BEND6: variants seen among roughly 807,000 people sequenced by gnomAD.
The protein encoded by BEND6 is BEN domain containing 6.
In BEND6, 24 loss-of-function variants were observed where a neutral mutation model predicts 31.8. That is an observed-to-expected ratio of 0.75 (90% CI 0.55 to 1.06). The LOEUF (loss-of-function observed/expected upper bound fraction) is 1.06, where lower values mean the gene tolerates loss of function less well. Among genes scored for constraint, BEND6 ranks in the 50% least tolerant of loss-of-function variants. BEND6 has a pLI of 0.00. For synonymous variants in BEND6, 109 were observed against 114.6 expected (o/e 0.95, Z 0.31); for missense variants, 294 against 327.4 (o/e 0.90, Z 0.79).
At chr6:56,995,727 A>C (rs1483352344) in intron 3 of BEND6, among the ~76,000 whole-genome samples, 1 of 152,004 alleles carries the variant, frequency 6.6e-6, no homozygotes, top group Admixed American at 6.6e-5. Context: ...ATTAGGGCCC[A>C]CCCTAATGAC....
chr6:57,002,141 T>G (rs1161448460), intron 3 of BEND6, among the ~76,000 whole-genome samples: 1 of 152,176 alleles, frequency 6.6e-6, no homozygotes, highest in Non-Finnish European at 1.5e-5. Flanking sequence ...GATAAAAGGT[T>G]CAATTAAATA....
intron 2 of BEND6, among the ~76,000 whole-genome samples, chr6:56,988,086 G>A (rs778868367): frequency 3.4e-5 from 5 of 148,678 alleles, no homozygotes; most frequent in South Asian, 2.1e-4. Flanking sequence ...GCATGATCTC[G>A]GCTCATTACA....
At chr6:57,021,435 C>G (rs1401570661) in intron 6 of BEND6, among the ~76,000 whole-genome samples, 1 of 152,166 alleles carries the variant, frequency 6.6e-6, no homozygotes, top group African/African-American at 2.4e-5. Context: ...TCCACTCAGT[C>G]CTGAGCTCAG....
At chr6:56,977,667 A>G (rs563701303) in intron 1 of BEND6, among the ~76,000 whole-genome samples, 1 of 152,348 alleles carries the variant, frequency 6.6e-6, no homozygotes, top group South Asian at 2.1e-4. Context: ...CATTTAAAGT[A>G]TATGATTCAG....
intron 3 of BEND6, among the ~76,000 whole-genome samples, chr6:57,001,356 G>GT (rs1241092669): frequency 2.0e-5 from 3 of 151,972 alleles, no homozygotes; most frequent in Non-Finnish European, 4.4e-5. Flanking sequence ...AAAAGATGGG[G>GT]TTTTGCCATG....
intron 1 of BEND6, among the ~76,000 whole-genome samples, chr6:56,960,316 G>T (rs180945674): frequency 6.0e-4 from 92 of 152,070 alleles, no homozygotes; most frequent in African/African-American, 2.0e-3. Context: ...TCTAAGAATG[G>T]GCAATTTACA....
At position 57,017,377 on chromosome 6, in the gene BEND6, G is replaced by C. The variant is rs528874319; in HGVS notation, c.690G>C (p.Gln230His). 23 of 1,362,198 alleles carry C rather than the reference G, an allele frequency of 1.7e-5. 1 individual carries two copies. The African/African-American group carries it at 3.4e-4, about 20-fold the overall frequency. 84.4% of individuals were successfully genotyped at this position (1,362,198 alleles called of 1,614,324 possible). ...RDKAVKPAMN[Q>H]NEVQEIIGVT... Reference sequence around the variant, plus strand: ...AAGCTGTAAAACCAGCTATGAATCAGAATGAAGTCCAAGAAATCATAGGTG... The same window carrying C: ...AAGCTGTAAAACCAGCTATGAATCACAATGAAGTCCAAGAAATCATAGGTG... The change falls in exon 5 of 7, where the codon CAG becomes CAC. Residue 230 changes from glutamine (Q) to histidine (H), a missense_variant. By Grantham distance (24) the Gln-to-His change is conservative. Coordinates refer to ENST00000370746, the MANE Select transcript of BEND6 (RefSeq NM_152731.3).
At chr6:57,005,304 T>G (rs1827116443) in intron 3 of BEND6, among the ~76,000 whole-genome samples, 1 of 152,096 alleles carries the variant, frequency 6.6e-6, no homozygotes, top group Admixed American at 6.6e-5. Flanking sequence ...TATCTACTAA[T>G]TCCCCTAACA....
At chr6:57,001,190 G>A (rs1211701504) in intron 3 of BEND6, among the ~76,000 whole-genome samples, 3 of 146,464 alleles carry the variant, frequency 2.0e-5, no homozygotes, top group Non-Finnish European at 3.0e-5. Flanking sequence ...GGGTCTCAGG[G>A]TCTTGCTCTG....
At chr6:56,962,543 C>T (rs1592963018) in intron 1 of BEND6, among the ~76,000 whole-genome samples, 1 of 152,246 alleles carries the variant, frequency 6.6e-6, no homozygotes, top group East Asian at 1.9e-4. Context: ...ATGCATTCCA[C>T]ACAGAAACAG....
At chr6:56,986,343 C>T (rs1379909794) in intron 2 of BEND6, among the ~76,000 whole-genome samples, 2 of 151,968 alleles carry the variant, frequency 1.3e-5, no homozygotes, top group African/African-American at 4.8e-5. Context: ...GAGGCTAAGG[C>T]GGGAGGACTG....
intron 3 of BEND6, among the ~76,000 whole-genome samples, chr6:57,006,575 C>G (rs1827168169): frequency 6.6e-6 from 1 of 152,176 alleles, no homozygotes; most frequent in Admixed American, 6.5e-5. Context: ...ACTATACAGT[C>G]TAAATTAAAA....
chr6:56,992,055 T>C (rs1228612847), intron 2 of BEND6, among the ~76,000 whole-genome samples: 1 of 152,228 alleles, frequency 6.6e-6, no homozygotes, highest in Non-Finnish European at 1.5e-5. Context: ...GGGCTGTATA[T>C]CAGAGAAGAC....
chr6:56,957,488 G>A (rs1282082967), intron 1 of BEND6, among the ~76,000 whole-genome samples: 1 of 152,280 alleles, frequency 6.6e-6, no homozygotes, highest in South Asian at 2.1e-4. Context: ...GGTGCCTAAT[G>A]CATTGCGGAA....
chr6:56,974,773 C>T (rs1428609481), intron 1 of BEND6, among the ~76,000 whole-genome samples: 1 of 151,966 alleles, frequency 6.6e-6, no homozygotes, highest in Non-Finnish European at 1.5e-5. Context: ...TCTTATTGTT[C>T]AGGAAACAGT....
chr6:56,980,559 C>G (rs1004895886), intron 1 of BEND6, among the ~76,000 whole-genome samples: 4 of 152,166 alleles, frequency 2.6e-5, no homozygotes, highest in African/African-American at 9.7e-5. Context: ...ATTTGTGAGT[C>G]AGATTTGACA....
At chr6:56,975,976 G>A (rs1331887705) in intron 1 of BEND6, 2 of 518,590 alleles carry the variant, frequency 3.9e-6, no homozygotes, top group Non-Finnish European at 7.8e-6. Flanking sequence ...TCGACGCCAT[G>A]TGCAGTCATG....
At chr6:56,989,477 A>G (rs1826411648) in intron 2 of BEND6, among the ~76,000 whole-genome samples, 1 of 152,220 alleles carries the variant, frequency 6.6e-6, no homozygotes. Context: ...ATAGACCTAG[A>G]AATCAATTGC....
intron 1 of BEND6, among the ~76,000 whole-genome samples, chr6:56,979,601 A>G (rs1592984309): frequency 6.6e-6 from 1 of 152,338 alleles, no homozygotes; most frequent in East Asian, 1.9e-4. Context: ...ACTAACTCTG[A>G]ACCCCAATTA....
Sources: allele counts gnomAD v4.1 joint callset (sites outside exome capture counted in the v4.1 genomes callset), GRCh38; gene constraint gnomAD v4.1.1; transcripts MANE v1.5; gene names NCBI Gene and HGNC (gene_info 2026-07-23, HGNC 2026-07-21).